KPNA3: variants seen among roughly 807,000 people sequenced by gnomAD.
KPNA3 encodes the protein karyopherin subunit alpha 3.
In KPNA3, 13 loss-of-function variants were observed where a neutral mutation model predicts 73.8. The observed-to-expected ratio is 0.18, with a 90% CI of 0.11 to 0.28. KPNA3 has a LOEUF of 0.28. Ranked by LOEUF, KPNA3 falls within the 10% of genes least tolerant of loss-of-function variation. The probability of loss-of-function intolerance (pLI) is 1.00; values close to 1 mark genes in which losing one functional copy is unlikely to be tolerated. For synonymous variants in KPNA3, 186 were observed against 206.9 expected (o/e 0.90, Z 0.87); for missense variants, 360 against 618.1 (o/e 0.58, Z 4.43).
intron 15 of KPNA3, among the ~76,000 whole-genome samples, chr13:49,703,186 T>TC (rs1346042662): frequency 6.1e-5 from 8 of 131,060 alleles, no homozygotes; most frequent in South Asian, 2.6e-4. Flanking sequence ...TTTCTTTCTT[T>TC]TTTTTTTTTT....
intron 1 of KPNA3, among the ~76,000 whole-genome samples, chr13:49,766,781 A>T (rs1954811097): frequency 6.6e-6 from 1 of 152,144 alleles, no homozygotes; most frequent in East Asian, 1.9e-4. Context: ...TTTATTAATA[A>T]ACCTAACATC....
At chr13:49,732,315 T>G (rs921415631) in intron 6 of KPNA3, 56 bp downstream of exon 6, 35 of 821,324 alleles carry the variant, frequency 4.3e-5, no homozygotes, top group Non-Finnish European at 6.9e-5. Context: ...TAAGTAATAA[T>G]CCAAACTTTT....
At chr13:49,775,134 A>G (rs1240401459) in intron 1 of KPNA3, among the ~76,000 whole-genome samples, 1 of 133,626 alleles carries the variant, frequency 7.5e-6, no homozygotes, top group Non-Finnish European at 1.5e-5. Flanking sequence ...GAGTGAGTGC[A>G]CTCAGACGAC....
chr13:49,757,572 T>C (rs998967381), intron 1 of KPNA3, among the ~76,000 whole-genome samples: 4 of 152,164 alleles, frequency 2.6e-5, no homozygotes, highest in African/African-American at 4.8e-5. Flanking sequence ...TTTTCATACA[T>C]TGCTTGTGGG....
intron 11 of KPNA3, among the ~76,000 whole-genome samples, chr13:49,710,138 T>C (rs1163325126): frequency 6.6e-6 from 1 of 152,182 alleles, no homozygotes; most frequent in Non-Finnish European, 1.5e-5. Flanking sequence ...GGTGCATGCC[T>C]GTAATCCCAG....
intron 1 of KPNA3, among the ~76,000 whole-genome samples, chr13:49,776,880 A>G (rs1954902228): frequency 1.3e-5 from 2 of 152,234 alleles, no homozygotes; most frequent in Non-Finnish European, 1.5e-5. Context: ...TCATGGAAGT[A>G]GTTTCAAATT....
chr13:49,737,439 C>T (rs773317188), intron 2 of KPNA3, among the ~76,000 whole-genome samples: 14 of 152,152 alleles, frequency 9.2e-5, no homozygotes, highest in African/African-American at 2.2e-4. Flanking sequence ...TAATAGCTAA[C>T]GATGCTGAAC....
chr13:49,733,287 T>TTTTG (rs1309976228), intron 2 of KPNA3, among the ~76,000 whole-genome samples: 5 of 143,884 alleles, frequency 3.5e-5, no homozygotes, highest in Non-Finnish European at 7.7e-5. Context: ...GTGGTGTTTT[T>TTTTG]TTTTTTTTTT....
intron 1 of KPNA3, among the ~76,000 whole-genome samples, chr13:49,778,370 C>G (rs1408681743): frequency 2.0e-5 from 3 of 152,230 alleles, no homozygotes; most frequent in Admixed American, 6.5e-5. Context: ...ACCAATCTGA[C>G]TGTTTCTGTA....
intron 1 of KPNA3, among the ~76,000 whole-genome samples, chr13:49,757,668 T>C (rs1022491789): frequency 1.1e-4 from 17 of 151,686 alleles, no homozygotes; most frequent in African/African-American, 4.1e-4. Flanking sequence ...TGGACATTTA[T>C]ATGAGATAAA....
chr13:49,774,591 C>G (rs1287083336), intron 1 of KPNA3, among the ~76,000 whole-genome samples: 1 of 152,130 alleles, frequency 6.6e-6, no homozygotes, highest in African/African-American at 2.4e-5. Context: ...ATACAGTTCT[C>G]TCAGAAATAG....
At chr13:49,773,363 A>C (rs757981806) in intron 1 of KPNA3, among the ~76,000 whole-genome samples, 6 of 152,208 alleles carry the variant, frequency 3.9e-5, no homozygotes, top group Non-Finnish European at 8.8e-5. Context: ...TAATTTTTTA[A>C]TGTTAATTAT....
intron 15 of KPNA3, 99 bp downstream of exon 15, chr13:49,705,522 C>A: frequency 8.5e-7 from 1 of 1,173,446 alleles, no homozygotes; most frequent in Non-Finnish European, 1.2e-6. Flanking sequence ...TTAAAAACAA[C>A]GTATCCTAGT....
intron 1 of KPNA3, among the ~76,000 whole-genome samples, chr13:49,789,077 C>T (rs1955010059): frequency 6.6e-6 from 1 of 152,278 alleles, no homozygotes; most frequent in South Asian, 2.1e-4. Context: ...AAAATGAATT[C>T]TAGGTATTAC....
intron 10 of KPNA3, among the ~76,000 whole-genome samples, chr13:49,718,643 ATTATC>A (rs1027196098): frequency 4.6e-5 from 7 of 152,192 alleles, no homozygotes; most frequent in African/African-American, 1.7e-4. Context: ...CTTTACAGAT[ATTATC>A]TTATATGTCT....
At chr13:49,724,204 T>A (rs571316778) in intron 7 of KPNA3, among the ~76,000 whole-genome samples, 10 of 152,356 alleles carry the variant, frequency 6.6e-5, no homozygotes, top group African/African-American at 2.4e-4. Context: ...GGGTTAGTTA[T>A]GAATAACATT....
chr13:49,788,741 A>ATTTTTTTTTT, intron 1 of KPNA3, among the ~76,000 whole-genome samples: 1 of 123,848 alleles, frequency 8.1e-6, no homozygotes, highest in East Asian at 3.1e-4. Context: ...TTTTTTTTAA[A>ATTTTTTTTTT]AAAAAAAAGC....
At chr13:49,736,140 G>C (rs1434573981) in intron 2 of KPNA3, among the ~76,000 whole-genome samples, 1 of 151,900 alleles carries the variant, frequency 6.6e-6, no homozygotes, top group East Asian at 1.9e-4. Flanking sequence ...TTAGTTCCTT[G>C]GGTTTTGTTT....
chr13:49,771,278 A>G, intron 1 of KPNA3, among the ~76,000 whole-genome samples: 1 of 152,178 alleles, frequency 6.6e-6, no homozygotes, highest in East Asian at 1.9e-4. Context: ...CTTCCAATCC[A>G]TGAACATGAA....
Sources: allele counts gnomAD v4.1 joint callset (sites outside exome capture counted in the v4.1 genomes callset), GRCh38; gene constraint gnomAD v4.1.1; transcripts MANE v1.5; gene names NCBI Gene and HGNC (gene_info 2026-07-23, HGNC 2026-07-21).